The following PADI4 variants were observed in gnomAD, a reference collection of about 807,000 sequenced individuals.
PADI4 encodes protein-arginine deiminase type-4.
Under a neutral mutation model 75.0 loss-of-function variants are expected in PADI4, and 62 were observed. The observed-to-expected ratio is 0.83, with a 90% CI of 0.67 to 1.02. The LOEUF (loss-of-function observed/expected upper bound fraction) is 1.02, where lower values mean the gene tolerates loss of function less well. PADI4 is among the 50% of genes least tolerant of loss of function. The pLI, the probability that PADI4 is intolerant of heterozygous loss-of-function variation, is 0.00. For missense variants in PADI4, 845 were observed against 850.5 expected (o/e 0.99, Z 0.08); for synonymous variants, 361 against 348.1 (o/e 1.04, Z -0.41).
chr1:17,347,581 C>T (rs1035947741), intron 9 of PADI4, among the ~76,000 whole-genome samples: 12 of 152,046 alleles, frequency 7.9e-5, no homozygotes, highest in African/African-American at 2.7e-4. Context: ...CCCACAGACC[C>T]CTCAACCCCT....
At chr1:17,360,874 G>A (rs551241040) in intron 15 of PADI4, among the ~76,000 whole-genome samples, 65 of 132,706 alleles carry the variant, frequency 4.9e-4, no homozygotes, top group Non-Finnish European at 8.6e-4. Context: ...CCTTCTGGAG[G>A]CTGCACTTGT....
intron 6 of PADI4, among the ~76,000 whole-genome samples, chr1:17,340,262 C>T (rs572728074): frequency 6.6e-6 from 1 of 152,160 alleles, no homozygotes; most frequent in South Asian, 2.1e-4. Context: ...CGAGTCCCTG[C>T]CCTCGTGTTG....
intron 10 of PADI4, among the ~76,000 whole-genome samples, chr1:17,352,021 CCAGGGAG>C (rs2074651924): frequency 7.4e-5 from 1 of 13,430 alleles, no homozygotes; most frequent in Non-Finnish European, 1.4e-4. Flanking sequence ...GGAGAGGCGG[CCAGGGAG>C]GTGATGGGAG....
intron 1 of PADI4, among the ~76,000 whole-genome samples, chr1:17,309,661 T>A (rs1216841686): frequency 6.6e-6 from 1 of 152,202 alleles, no homozygotes; most frequent in Non-Finnish European, 1.5e-5. Context: ...CCTAGAATGG[T>A]GCCCACAGGA....
chr1:17,314,117 C>A (rs1363101682), intron 1 of PADI4, among the ~76,000 whole-genome samples: 1 of 152,172 alleles, frequency 6.6e-6, no homozygotes, highest in Non-Finnish European at 1.5e-5. Context: ...CTTGAGGAAG[C>A]CACATGGGAC....
chr1:17,347,979 A>G lies in PADI4; in HGVS notation c.1086A>G (p.Lys362=), dbSNP rs566560922. 6.2e-7 allele frequency: 1 copy of G among 1,605,308 alleles called. No individual in the cohort carries two copies. Among genetic ancestry groups the G allele is most frequent in the African/African-American group, 1.3e-5 (1 of 74,870 alleles). The change falls in exon 10 of 16, where the codon AAA becomes AAG. Residue 362 remains lysine (K), a synonymous_variant. Coordinates refer to ENST00000375448, the MANE Select transcript of PADI4 (RefSeq NM_012387.3). ...MEIGYIQAPH[K]TLPVVFDSPR... Reference sequence around the variant, plus strand: ...TCGGCTACATCCAAGCCCCACACAAAACGCTGCCCGTGGTCTTCGACTCTC... The same window carrying G: ...TCGGCTACATCCAAGCCCCACACAAGACGCTGCCCGTGGTCTTCGACTCTC...
intron 8 of PADI4, among the ~76,000 whole-genome samples, chr1:17,343,272 G>A (rs2074455957): frequency 6.6e-6 from 1 of 152,186 alleles, no homozygotes; most frequent in Admixed American, 6.5e-5. Context: ...CTGGCTGCCT[G>A]TGAGCTGCTG....
intron 6 of PADI4, among the ~76,000 whole-genome samples, chr1:17,340,717 A>C (rs1052030215): frequency 2.7e-5 from 4 of 146,614 alleles, no homozygotes; most frequent in Non-Finnish European, 6.0e-5. Context: ...GGAGAGCGCC[A>C]TGGGAGGGTT....
At chr1:17,339,941 A>G in intron 6 of PADI4, 128 bp downstream of exon 6, 1 of 1,009,968 alleles carries the variant, frequency 9.9e-7, no homozygotes, top group South Asian at 1.6e-5. Flanking sequence ...CAGACGCAGC[A>G]GTGGGCAAGA....
intron 1 of PADI4, among the ~76,000 whole-genome samples, chr1:17,330,677 G>A (rs113221784): frequency 3.3e-5 from 5 of 152,274 alleles, no homozygotes; most frequent in African/African-American, 1.2e-4. Flanking sequence ...GCCCCAGTGA[G>A]CAAGGTGATC....
At chr1:17,316,707 A>AAATAAATT (rs1553142328) in intron 1 of PADI4, among the ~76,000 whole-genome samples, 6 of 148,154 alleles carry the variant, frequency 4.0e-5, no homozygotes, top group South Asian at 2.1e-4. Context: ...ATAAATAAAT[A>AAATAAATT]AATTAATTAA....
chr1:17,345,921 G>A, intron 8 of PADI4, 107 bp from the exon 9 acceptor site: 2 of 682,206 alleles, frequency 2.9e-6, no homozygotes, highest in South Asian at 1.8e-5. Context: ...AGGAGCCTCT[G>A]TTCAGGCCAC....
At chr1:17,320,575 T>G (rs1435989871) in intron 1 of PADI4, among the ~76,000 whole-genome samples, 1 of 152,202 alleles carries the variant, frequency 6.6e-6, no homozygotes, top group Non-Finnish European at 1.5e-5. Flanking sequence ...ATAGGGTAAC[T>G]TCCAAGCGTT....
intron 2 of PADI4, 143 bp downstream of exon 2, chr1:17,331,292 T>TAGTGTC: frequency 1.5e-6 from 1 of 670,454 alleles, no homozygotes. Context: ...CTTCCAGCCA[T>TAGTGTC]AGTGTCCTTG....
rs776166600 is a variant in PADI4 at position 17,310,133 on chromosome 1, G to A, written c.92+1819G>A. 4.6e-5 allele frequency among the ~76,000 whole-genome samples: 7 copies of A among 152,176 alleles called. No individual in the cohort carries two copies. The East Asian group carries it at 5.8e-4, about 13-fold the overall frequency. On this transcript the variant is annotated intron_variant, in intron 1 of 15. Transcript: ENST00000375448. ...TCACTCTATCCCCTGAACATCTCACGTAACAATGGCTAATATTTACATCAC... is the reference window on the plus strand; with the variant it reads ...TCACTCTATCCCCTGAACATCTCACATAACAATGGCTAATATTTACATCAC...
At chr1:17,357,807 T>C (rs958103068) in intron 13 of PADI4, among the ~76,000 whole-genome samples, 1 of 151,560 alleles carries the variant, frequency 6.6e-6, no homozygotes, top group Non-Finnish European at 1.5e-5. Flanking sequence ...GGCGGGTGCC[T>C]GTAATCCCAG....
rs372131666 is a variant in PADI4, at chr1:17,308,750, G to A, written c.92+436G>A. On this transcript the variant is annotated intron_variant, in intron 1 of 15. Transcript: ENST00000375448. The stretch of plus-strand genomic sequence containing the variant: ...CCTCCCTCAGTGGGTGCATAATAGC[G>A]TGGGTGGGGATGGCGAAACGGGGCT... Among the ~76,000 whole-genome samples the A allele has an allele frequency of 5.5e-5, 7 of 127,244 alleles. No individual in the cohort carries two copies. In the South Asian group the frequency reaches 1.8e-3, roughly 33 times the overall value. The allele number at this position is 127,244 out of a possible 152,430, so 83.5% of individuals were successfully genotyped here.
chr1:17,330,319 G>A (rs1396624649), intron 1 of PADI4, among the ~76,000 whole-genome samples: 1 of 152,178 alleles, frequency 6.6e-6, no homozygotes, highest in Non-Finnish European at 1.5e-5. Context: ...CACCTGTTGG[G>A]AAAAGGAGTA....
intron 13 of PADI4, among the ~76,000 whole-genome samples, chr1:17,357,815 C>G (rs754351236): frequency 3.0e-4 from 46 of 151,612 alleles, no homozygotes; most frequent in Non-Finnish European, 5.3e-4. Flanking sequence ...CCTGTAATCC[C>G]AGCTACTTGG....
Sources: allele counts gnomAD v4.1 joint callset (sites outside exome capture counted in the v4.1 genomes callset), GRCh38; gene constraint gnomAD v4.1.1; transcripts MANE v1.5; gene names NCBI Gene and HGNC (gene_info 2026-07-23, HGNC 2026-07-21).